The following IFT81 variants were observed in gnomAD, a reference collection of about 807,000 sequenced individuals.
IFT81 encodes the protein intraflagellar transport protein 81 homolog.
IFT81 carries 72 observed loss-of-function variants against 102.6 expected under a neutral mutation model. The observed-to-expected ratio is 0.70, with a 90% confidence interval of 0.58 to 0.85. The LOEUF (loss-of-function observed/expected upper bound fraction) is 0.85, where lower values mean the gene tolerates loss of function less well. IFT81 is among the 40% of genes least tolerant of loss of function. IFT81 has a pLI of 0.00. For synonymous variants in IFT81, 237 were observed against 242.7 expected (o/e 0.98, Z 0.22); for missense variants, 723 against 787.3 (o/e 0.92, Z 0.98).
intron 11 of IFT81, among the ~76,000 whole-genome samples, chr12:110,172,302 G>GCCT (rs1402634841): frequency 1.6e-4 from 25 of 151,734 alleles, no homozygotes; most frequent in African/African-American, 6.0e-4. Flanking sequence ...CTCTGCCTCT[G>GCCT]CCTCTGCCTC....
rs1243543045 is a variant in IFT81 at position 110,127,539 on chromosome 12, T to G, written c.144+15T>G. 5 of 1,576,692 alleles carry G rather than the reference T, an allele frequency of 3.2e-6. No homozygotes were observed. Among genetic ancestry groups the G allele is most frequent in the Non-Finnish European group, 3.4e-6 (4 of 1,167,278 alleles). On this transcript the variant is annotated intron_variant, in intron 2 of 18. Coordinates refer to ENST00000242591, the MANE Select transcript of IFT81 (RefSeq NM_014055.4). ...TTGACCCAAAGGTAAGAGTTTTCTC[T>G]TTCTTTTTGATGGGTAGCAGAAAGC...
At chr12:110,146,677 T>C (rs1018658206) in intron 9 of IFT81, among the ~76,000 whole-genome samples, 9 of 152,184 alleles carry the variant, frequency 5.9e-5, no homozygotes, top group Non-Finnish European at 1.2e-4. Context: ...TGTTAAGAAC[T>C]GTAAATTCCA....
At position 110,179,254 on chromosome 12, in the gene IFT81, A is replaced by G. The variant is rs566600028; in HGVS notation, c.1189-1168A>G. Among the ~76,000 whole-genome samples the G allele has an allele frequency of 5.3e-5, 8 of 152,312 alleles. No homozygotes were observed. The South Asian group carries it at 1.7e-3, about 32-fold the overall frequency. Reference sequence around the variant, plus strand: ...AGTCCCAGTAGTCCAATGGACTGCTACCAAAATAGTACAGTACATGAGATA... The same window carrying G: ...AGTCCCAGTAGTCCAATGGACTGCTGCCAAAATAGTACAGTACATGAGATA... On this transcript the variant is annotated intron_variant, in intron 11 of 18. Coordinates refer to ENST00000242591, the MANE Select transcript of IFT81 (RefSeq NM_014055.4).
At chr12:110,171,349 T>G (rs1896716403) in intron 11 of IFT81, among the ~76,000 whole-genome samples, 1 of 152,100 alleles carries the variant, frequency 6.6e-6, no homozygotes, top group South Asian at 2.1e-4. Context: ...TGGTGGTGAT[T>G]TGATTTATAA....
chr12:110,212,396 T>C (rs568236084), intron 18 of IFT81, among the ~76,000 whole-genome samples: 3 of 147,614 alleles, frequency 2.0e-5, no homozygotes, highest in Non-Finnish European at 4.5e-5. Context: ...AATACAAAAA[T>C]TAGCCAGGCG....
In IFT81 at chr12:110,127,361, TA is replaced by T; in HGVS notation, c.-16del. 6.7e-7 allele frequency: 1 copy of T among 1,498,868 alleles called. No homozygotes were observed. Among genetic ancestry groups the T allele is most frequent in the Non-Finnish European group, 8.9e-7 (1 of 1,129,166 alleles). 92.8% of individuals were successfully genotyped at this position (1,498,868 alleles called of 1,614,324 possible). A position where few individuals can be genotyped will look rare whatever the true frequency, so the allele number is the denominator to read the frequency against. On this transcript the variant is annotated splice_region_variant and 5_prime_UTR_variant, in exon 2 of 19. An upstream open reading frame in the 5' UTR loses its in-frame stop. Coordinates refer to ENST00000242591, the MANE Select transcript of IFT81 (RefSeq NM_014055.4). ...TTTTTTTCTATTTTTACTCTTTAGT[TA>T]AAATTATAAGACCTAATTATGAGTG...
rs1458886628 is a variant in IFT81 at position 110,147,063 on chromosome 12, T to G, written c.1041+15T>G. 2.0e-5 allele frequency: 31 copies of G among 1,580,232 alleles called. No individual in the cohort carries two copies. Among genetic ancestry groups the G allele is most frequent in the Non-Finnish European group, 2.6e-5 (30 of 1,162,152 alleles). Reference sequence around the variant, plus strand: ...ATAGGCAACAGGTAAGAACATTCTTTTGGCTCACATATTTAGATCTGTAAG... The same window carrying G: ...ATAGGCAACAGGTAAGAACATTCTTGTGGCTCACATATTTAGATCTGTAAG... On this transcript the variant is annotated intron_variant, in intron 10 of 18. Transcript: ENST00000242591.
At chr12:110,216,162 G>A (rs1404842221) in intron 18 of IFT81, among the ~76,000 whole-genome samples, 1 of 151,720 alleles carries the variant, frequency 6.6e-6, no homozygotes, top group Non-Finnish European at 1.5e-5. Flanking sequence ...CCTATTATTA[G>A]CCTTGGTTTG....
chr12:110,196,864 C>T (rs1898022832), intron 14 of IFT81, among the ~76,000 whole-genome samples: 1 of 152,082 alleles, frequency 6.6e-6, no homozygotes, highest in Admixed American at 6.6e-5. Flanking sequence ...TGTTTGCTTT[C>T]AGCTTCCTAT....
chr12:110,178,807 G>A (rs1345186191), intron 11 of IFT81, among the ~76,000 whole-genome samples: 3 of 149,534 alleles, frequency 2.0e-5, no homozygotes, highest in Non-Finnish European at 4.4e-5. Context: ...AGTAGAGATG[G>A]GGTTTCACCA....
At chr12:110,188,928 CAA>C (rs1286295336) in intron 12 of IFT81, among the ~76,000 whole-genome samples, 15 of 132,672 alleles carry the variant, frequency 1.1e-4, no homozygotes, top group Non-Finnish European at 1.3e-4. Flanking sequence ...GACTCCGTCT[CAA>C]AAAAAAAAAA....
intron 14 of IFT81, among the ~76,000 whole-genome samples, chr12:110,193,614 T>C (rs1275409890): frequency 1.3e-5 from 2 of 152,232 alleles, no homozygotes; most frequent in Non-Finnish European, 2.9e-5. Flanking sequence ...ACTATATTTT[T>C]AACTTGTTTA....
chr12:110,159,339 G>T (rs944821653), intron 10 of IFT81, among the ~76,000 whole-genome samples: 3 of 151,960 alleles, frequency 2.0e-5, no homozygotes, highest in Non-Finnish European at 4.4e-5. Context: ...GTGTACCTGT[G>T]GTCTCAGCTA....
intron 12 of IFT81, among the ~76,000 whole-genome samples, chr12:110,187,254 G>GTTGTTATTGTTT (rs1555267414): frequency 6.7e-4 from 102 of 151,524 alleles, no homozygotes; most frequent in African/African-American, 2.4e-3. Flanking sequence ...ATCTATTCCT[G>GTTGTTATTGTTT]TTGTTTTTGT....
chr12:110,180,817 CT>C (rs1897292360), intron 12 of IFT81, among the ~76,000 whole-genome samples: 1 of 152,066 alleles, frequency 6.6e-6, no homozygotes, highest in East Asian at 1.9e-4. Flanking sequence ...TAGGTTTTTT[CT>C]TTTGGTTAGT....
intron 14 of IFT81, among the ~76,000 whole-genome samples, chr12:110,196,481 C>A (rs1898006530): frequency 6.6e-6 from 1 of 152,216 alleles, no homozygotes; most frequent in Admixed American, 6.5e-5. Context: ...GATTATGCCA[C>A]TGTGCTCCAT....
chr12:110,180,916 G>A (rs1897296497), intron 12 of IFT81, among the ~76,000 whole-genome samples: 2 of 152,160 alleles, frequency 1.3e-5, no homozygotes, highest in Non-Finnish European at 2.9e-5. Context: ...TTTCTAAGCA[G>A]CCACTTCCAA....
At chr12:110,141,767 C>A (rs1329300627) in intron 8 of IFT81, among the ~76,000 whole-genome samples, 1 of 152,118 alleles carries the variant, frequency 6.6e-6, no homozygotes, top group Non-Finnish European at 1.5e-5. Flanking sequence ...CTAATTCCAG[C>A]TACTCAGGAG....
At chr12:110,160,714 A>C (rs1185348549) in intron 10 of IFT81, among the ~76,000 whole-genome samples, 1 of 152,010 alleles carries the variant, frequency 6.6e-6, no homozygotes, top group African/African-American at 2.4e-5. Context: ...CATCACATAT[A>C]TTTACTTTCA....
Sources: gnomAD v4.1 joint callset for allele counts (sites outside exome capture counted in the v4.1 genomes callset) on GRCh38, gnomAD v4.1.1 for gene constraint, MANE v1.5 for transcripts, NCBI Gene and HGNC (gene_info 2026-07-23, HGNC 2026-07-21) for gene names.